KIAA0513: variants seen among roughly 807,000 people sequenced by gnomAD.
The protein encoded by KIAA0513 is uncharacterized protein KIAA0513.
A neutral mutation model predicts 56.5 loss-of-function variants in KIAA0513; 39 were observed. That is an observed-to-expected ratio of 0.69 (90% CI 0.53 to 0.90). The LOEUF (loss-of-function observed/expected upper bound fraction) is 0.90, where lower values mean the gene tolerates loss of function less well. Ranked by LOEUF, KIAA0513 falls within the 40% of genes least tolerant of loss-of-function variation. KIAA0513 has a pLI of 0.00. For missense variants in KIAA0513, 591 were observed against 535.2 expected (o/e 1.10, Z -1.03); for synonymous variants, 268 against 215.6 (o/e 1.24, Z -2.13).
chr16:85,072,955 A>G lies in KIAA0513; in HGVS notation c.460A>G (p.Thr154Ala), dbSNP rs1435473391. 6.2e-7 allele frequency: 1 copy of G among 1,614,190 alleles called. No homozygotes were observed. Among genetic ancestry groups the G allele is most frequent in the East Asian group, 2.2e-5 (1 of 44,884 alleles). Residue 154 changes from threonine to alanine, a missense_variant, in exon 4 of 13, where the codon ACC (threonine) becomes GCC (alanine). By Grantham distance (58) the Thr-to-Ala change is moderately conservative. Coordinates refer to ENST00000683363, the MANE Select transcript of KIAA0513 (RefSeq NM_001388359.1). ...CAACTCCAAGTGTGTCTCAGAGGCA[A>G]CCTTCTACCGCCTGGTGCAGTCTTT... ...RCNSKCVSEA[T>A]FYRLVQSFAV...
intron 1 of KIAA0513, among the ~76,000 whole-genome samples, chr16:85,065,231 T>C (rs2073461702): frequency 6.6e-6 from 1 of 152,246 alleles, no homozygotes; most frequent in Non-Finnish European, 1.5e-5. Flanking sequence ...CTTGGGTTTC[T>C]GATCCAATCT....
At position 85,088,263 on chromosome 16, in the gene KIAA0513, C is replaced by T. The variant is rs765031821; in HGVS notation, c.1187-13C>T. 1.2e-5 allele frequency: 19 copies of T among 1,610,968 alleles called. No individual in the cohort carries two copies. The highest frequency in any genetic ancestry group is 8.3e-5 in the Admixed American group (5 of 60,004). On this transcript the variant is annotated splice_polypyrimidine_tract_variant and intron_variant, in intron 12 of 12. Transcript: ENST00000683363. ...GTCTTTCATCTGAGAAATAACATCA[C>T]TTTCTCTTCCAGAGCAATACAAGCT...
intron 1 of KIAA0513, among the ~76,000 whole-genome samples, chr16:85,033,284 T>C (rs1314901368): frequency 6.6e-6 from 1 of 152,088 alleles, no homozygotes; most frequent in African/African-American, 2.4e-5. Context: ...CCACAACATC[T>C]TTACCCCTCC....
At chr16:85,072,378 G>T (rs2073590202) in intron 3 of KIAA0513, among the ~76,000 whole-genome samples, 1 of 151,564 alleles carries the variant, frequency 6.6e-6, no homozygotes, top group Non-Finnish European at 1.5e-5. Context: ...TCAGTGTTTT[G>T]TAAAAAACAA....
intron 1 of KIAA0513, among the ~76,000 whole-genome samples, chr16:85,052,397 A>C (rs1462099815): frequency 1.3e-5 from 2 of 152,094 alleles, no homozygotes; most frequent in Non-Finnish European, 2.9e-5. Context: ...CTGTAATCCC[A>C]GCTACTCGGG....
chr16:85,065,484 C>A (rs2073466956), intron 1 of KIAA0513, among the ~76,000 whole-genome samples: 3 of 152,208 alleles, frequency 2.0e-5, no homozygotes, highest in African/African-American at 7.2e-5. Flanking sequence ...ACACGCCTAG[C>A]ACCACGCTGG....
chr16:85,067,036 C>T lies in KIAA0513; in HGVS notation c.-36C>T, dbSNP rs1341461872. ...GCTGGGCTCCCCTCTAGGCAGCCTC[C>T]CCTCCAGGCAGCCTCACCAGCAGCT... On this transcript the variant is annotated 5_prime_UTR_variant, in exon 2 of 13. Coordinates refer to ENST00000683363, the MANE Select transcript of KIAA0513 (RefSeq NM_001388359.1). The T allele has an allele frequency of 1.3e-6, 2 of 1,505,510 alleles. No individual in the cohort carries two copies. Among genetic ancestry groups the T allele is most frequent in the African/African-American group, 2.8e-5 (2 of 71,900 alleles). The allele number at this position is 1,505,510 out of a possible 1,614,324, so 93.3% of individuals were successfully genotyped here.
chr16:85,054,376 C>A (rs2073297579), intron 1 of KIAA0513, among the ~76,000 whole-genome samples: 1 of 151,344 alleles, frequency 6.6e-6, no homozygotes, highest in Non-Finnish European at 1.5e-5. Flanking sequence ...CTGAAGTTAT[C>A]TCAGTGCCAT....
At chr16:85,037,406 C>G (rs1026764644) in intron 1 of KIAA0513, among the ~76,000 whole-genome samples, 8 of 152,106 alleles carry the variant, frequency 5.3e-5, no homozygotes, top group Admixed American at 5.2e-4. Context: ...AAATGGGACC[C>G]TGAAAGGAGG....
At chr16:85,029,100 T>C (rs987650378) in intron 1 of KIAA0513, among the ~76,000 whole-genome samples, 1 of 152,248 alleles carries the variant, frequency 6.6e-6, no homozygotes, top group Non-Finnish European at 1.5e-5. Context: ...AGTGTCTCTC[T>C]TTGGCTGTCA....
chr16:85,093,442 G>A lies in KIAA0513; in HGVS notation c.*5117G>A, dbSNP rs1392175525. 6.6e-6 allele frequency: 1 copy of A among 152,608 alleles called. No individual in the cohort carries two copies. The highest frequency in any genetic ancestry group is 1.5e-5 in the Non-Finnish European group (1 of 68,058). The allele number at this position is 152,608 out of a possible 1,614,324, so 9.5% of individuals were successfully genotyped here. On this transcript the variant is annotated 3_prime_UTR_variant, in exon 13 of 13. Transcript: ENST00000683363. Reference sequence around the variant, plus strand: ...GCAGACTCTGGGACCTGACAAAACAGTCAGAGCCTGAGTGCACTGCAGCCT... The same window carrying A: ...GCAGACTCTGGGACCTGACAAAACAATCAGAGCCTGAGTGCACTGCAGCCT...
intron 1 of KIAA0513, among the ~76,000 whole-genome samples, chr16:85,061,799 G>T (rs1442561111): frequency 1.3e-5 from 2 of 152,204 alleles, no homozygotes; most frequent in African/African-American, 2.4e-5. Context: ...AGGCTGCTGG[G>T]TGGGAAGAAG....
At chr16:85,061,791 G>A (rs2073408699) in intron 1 of KIAA0513, among the ~76,000 whole-genome samples, 1 of 152,200 alleles carries the variant, frequency 6.6e-6, no homozygotes, top group Non-Finnish European at 1.5e-5. Flanking sequence ...ACAGCTGGAG[G>A]CTGCTGGGTG....
At position 85,081,453 on chromosome 16, in the gene KIAA0513, TC is replaced by T. The variant is rs1239947377; in HGVS notation, c.980+64del. The T allele has an allele frequency of 1.4e-6, 2 of 1,431,714 alleles. No individual in the cohort carries two copies. The highest frequency in any genetic ancestry group is 2.5e-5 in the East Asian group (1 of 40,302). 88.7% of individuals were successfully genotyped at this position (1,431,714 alleles called of 1,614,324 possible). A position where few individuals can be genotyped will look rare whatever the true frequency, so the allele number is the denominator to read the frequency against. The stretch of plus-strand genomic sequence containing the variant: ...AAAAGGACCAGGGAGTGGCTTTATT[TC>T]CCGGTTTCGGAAGAGGAGAGCAGAA... On this transcript the variant is annotated intron_variant, in intron 9 of 12. Coordinates refer to ENST00000683363, the MANE Select transcript of KIAA0513 (RefSeq NM_001388359.1). This position sits in a 1 kb window ranked among gnomAD's most constrained non-coding sequence, Gnocchi z 4.4.
intron 1 of KIAA0513, among the ~76,000 whole-genome samples, chr16:85,036,873 G>A (rs1447291824): frequency 2.0e-5 from 3 of 152,178 alleles, no homozygotes; most frequent in Non-Finnish European, 2.9e-5. Context: ...CAGCGGCAGC[G>A]TGTGTCTGAG....
At chr16:85,028,964 A>G (rs987143179) in intron 1 of KIAA0513, among the ~76,000 whole-genome samples, 1 of 152,188 alleles carries the variant, frequency 6.6e-6, no homozygotes, top group Non-Finnish European at 1.5e-5. Context: ...CTCAGCCTAA[A>G]AGCAGGGCAG....
In KIAA0513 at chr16:85,071,887, G is replaced by A. The variant is rs746121654; in HGVS notation, c.429+5G>A. 5 of 1,589,110 alleles carry A rather than the reference G, an allele frequency of 3.1e-6. No individual in the cohort carries two copies. In the Admixed American group the frequency reaches 6.7e-5, roughly 21 times the overall value. ...GCTCGATACGTGAGTGCCCAGGTAAGGGCGAGGTGATGGGAAGGATGGGCG... is the reference window on the plus strand; with the variant it reads ...GCTCGATACGTGAGTGCCCAGGTAAAGGCGAGGTGATGGGAAGGATGGGCG... On this transcript the variant is annotated splice_donor_5th_base_variant and intron_variant, in intron 3 of 12. Coordinates refer to ENST00000683363, the MANE Select transcript of KIAA0513 (RefSeq NM_001388359.1).
chr16:85,030,219 A>G (rs2072943981), intron 1 of KIAA0513, among the ~76,000 whole-genome samples: 1 of 152,140 alleles, frequency 6.6e-6, no homozygotes, highest in South Asian at 2.1e-4. Flanking sequence ...GATTGCAAAG[A>G]GCGTCTTTTG....
chr16:85,071,120 A>G (rs912093980), intron 2 of KIAA0513, among the ~76,000 whole-genome samples: 1 of 150,928 alleles, frequency 6.6e-6, no homozygotes, highest in Non-Finnish European at 1.5e-5. Flanking sequence ...GCAAAGAGTG[A>G]TGAGAAGTGG....
Sources: gnomAD v4.1 joint callset for allele counts (sites outside exome capture counted in the v4.1 genomes callset) on GRCh38, gnomAD v4.1.1 for gene constraint, Gnocchi (gnomAD v3.1) non-coding constraint, MANE v1.5 for transcripts, NCBI Gene and HGNC (gene_info 2026-07-23, HGNC 2026-07-21) for gene names.